NIPSNAP1: variants seen among roughly 807,000 people sequenced by gnomAD.
NIPSNAP1 encodes protein NipSnap homolog 1.
In NIPSNAP1, 25 loss-of-function variants were observed where a neutral mutation model predicts 49.2. The ratio of observed to expected loss-of-function variants is 0.51; its 90% confidence interval spans 0.37 to 0.71. NIPSNAP1 has a LOEUF of 0.71. NIPSNAP1 is among the 30% of genes least tolerant of loss of function. The pLI, the probability that NIPSNAP1 is intolerant of heterozygous loss-of-function variation, is 0.00. For synonymous variants in NIPSNAP1, 143 were observed against 140.7 expected, an observed-to-expected ratio of 1.02 and a Z score of -0.12; for missense variants, 294 against 361.0, an observed-to-expected ratio of 0.81 and a Z score of 1.50.
intron 1 of NIPSNAP1, among the ~76,000 whole-genome samples, chr22:29,573,771 A>G (rs2064428491): frequency 6.7e-6 from 1 of 149,604 alleles, no homozygotes; most frequent in Non-Finnish European, 1.5e-5. Context: ...TCTGTCTCAA[A>G]AAAAAAAAAA....
At chr22:29,558,433 C>T (rs1049469949) in intron 9 of NIPSNAP1, among the ~76,000 whole-genome samples, 3 of 152,032 alleles carry the variant, frequency 2.0e-5, no homozygotes, top group Non-Finnish European at 4.4e-5. Context: ...CATGCCACTG[C>T]ACTCCACCCT....
chr22:29,579,755 C>A (rs1374339528), intron 1 of NIPSNAP1: 3 of 253,766 alleles, frequency 1.2e-5, no homozygotes, highest in African/African-American at 2.2e-5. Context: ...TCCTCAACAA[C>A]CCTATGAGAT....
chr22:29,579,190 A>G (rs1228243372), intron 1 of NIPSNAP1, among the ~76,000 whole-genome samples: 3 of 150,264 alleles, frequency 2.0e-5, no homozygotes, highest in African/African-American at 5.0e-5. Context: ...CTCCTGCCTC[A>G]GCTTCCTAGT....
chr22:29,568,711 A>C (rs190293428), intron 4 of NIPSNAP1, among the ~76,000 whole-genome samples: 5 of 152,126 alleles, frequency 3.3e-5, no homozygotes, highest in Admixed American at 2.6e-4. Context: ...AGAATTGCTT[A>C]AACTGGGGAG....
At chr22:29,579,972 T>C (rs963632682) in intron 1 of NIPSNAP1, 9 of 794,498 alleles carry the variant, frequency 1.1e-5, no homozygotes, top group Non-Finnish European at 1.7e-5. Flanking sequence ...AAAGCCCCAC[T>C]GCTCTGTGCT....
At chr22:29,579,995 G>A (rs2064485316) in intron 1 of NIPSNAP1, 4 of 996,586 alleles carry the variant, frequency 4.0e-6, no homozygotes, top group Non-Finnish European at 5.6e-6. Flanking sequence ...AACATCTCAT[G>A]GCAGGCACTA....
chr22:29,574,261 C>CAAAAAAAAAAAAAA (rs1158442759), intron 1 of NIPSNAP1, among the ~76,000 whole-genome samples: 25 of 36,644 alleles, frequency 6.8e-4, no homozygotes, highest in East Asian at 3.1e-3. Flanking sequence ...TCCATCTTCA[C>CAAAAAAAAAAAAAA]AAAAAAAAAA....
chr22:29,569,317 T>C (rs553423920), intron 3 of NIPSNAP1, 30 bp from the exon 4 acceptor site: 35 of 1,549,936 alleles, frequency 2.3e-5, no homozygotes, highest in Non-Finnish European at 2.9e-5. Flanking sequence ...AGGGGCAGGG[T>C]TCACATAGCC....
At position 29,580,326 on chromosome 22, in the gene NIPSNAP1, C is replaced by A. The variant is rs922529173; in HGVS notation, c.98+659G>T. 4 of 955,590 alleles carry A rather than the reference C, an allele frequency of 4.2e-6. No individual in the cohort carries two copies. In the African/African-American group the frequency reaches 5.3e-5, roughly 13 times the overall value. The allele number at this position is 955,590 out of a possible 1,614,324, so 59.2% of individuals were successfully genotyped here. On this transcript the variant is annotated intron_variant, in intron 1 of 9. Coordinates refer to ENST00000216121, the MANE Select transcript of NIPSNAP1 (RefSeq NM_003634.4). ...CAGGGAGGCCAAGCCCTAGCTCAGC[C>A]CAGAGCAGGGCCCAAACAAAAGCCC...
Position 29,570,552 on chromosome 22 carries a change from A to AG in NIPSNAP1, c.99-21dup. On this transcript the variant is annotated intron_variant, in intron 1 of 9. Transcript: ENST00000216121. ...TAGAAACTGCAGGACAGAGGAGTTGAGGGGGACGCGCGGAGGTTGGGGGAG... is the reference window on the plus strand; with the variant it reads ...TAGAAACTGCAGGACAGAGGAGTTGAGGGGGGACGCGCGGAGGTTGGGGGAG... 3 of 1,610,406 alleles carry AG rather than the reference A, an allele frequency of 1.9e-6. No individual in the cohort carries two copies. The highest frequency in any genetic ancestry group is 2.5e-6 in the Non-Finnish European group (3 of 1,178,318).
chr22:29,560,597 G>T, intron 8 of NIPSNAP1, 137 bp downstream of exon 8: 1 of 775,706 alleles, frequency 1.3e-6, no homozygotes, highest in Non-Finnish European at 2.3e-6. Context: ...TGATCTTTTT[G>T]TGACTTTACA....
At chr22:29,560,254 C>G (rs369998624) in intron 8 of NIPSNAP1, among the ~76,000 whole-genome samples, 2 of 108,550 alleles carry the variant, frequency 1.8e-5, no homozygotes, top group African/African-American at 7.1e-5. Context: ...TTTTTTTTTT[C>G]TTCTTTTTTT....
At position 29,569,817 on chromosome 22, in the gene NIPSNAP1, T is replaced by C. The variant is rs367857752; in HGVS notation, c.272+345A>G. On this transcript the variant is annotated intron_variant, in intron 3 of 9. Transcript: ENST00000216121. ...CAGCCGGACTAACATGGTGAAACCCTGTCTCTACTAAATACAAAAAAATTA... is the reference window on the plus strand; with the variant it reads ...CAGCCGGACTAACATGGTGAAACCCCGTCTCTACTAAATACAAAAAAATTA... 164 of 377,596 alleles carry C rather than the reference T, an allele frequency of 4.3e-4. 1 individual carries two copies. Among genetic ancestry groups the C allele is most frequent in the South Asian group, 3.4e-3 (153 of 45,186 alleles). 23.4% of individuals were successfully genotyped at this position (377,596 alleles called of 1,614,324 possible).
At chr22:29,559,656 G>A (rs1046407139) in intron 8 of NIPSNAP1, among the ~76,000 whole-genome samples, 12 of 152,018 alleles carry the variant, frequency 7.9e-5, no homozygotes, top group Non-Finnish European at 1.5e-4. Flanking sequence ...TCAAGCACGA[G>A]CCTGGGAGCT....
intron 2 of NIPSNAP1, 36 bp downstream of exon 2, chr22:29,570,368 GA>G: frequency 1.9e-6 from 3 of 1,613,844 alleles, no homozygotes; most frequent in Non-Finnish European, 2.5e-6. Context: ...CAGAGCCCCT[GA>G]AAGGGCAGAA....
At chr22:29,580,897 CT>C (rs1601500817) in intron 1 of NIPSNAP1, 87 bp downstream of exon 1, 2 of 1,118,250 alleles carry the variant, frequency 1.8e-6, no homozygotes, top group East Asian at 5.6e-5. Context: ...AGCGAGGAGT[CT>C]CAGCCCCTCC....
In NIPSNAP1 at chr22:29,581,065, G is replaced by C; in HGVS notation, c.18C>G (p.Cys6Trp). ...GCCGCCGCGCCGTCACAGAGATGCTGCACAGCCGCGGAGCCATGTTGGAGC... is the reference window on the plus strand; with the variant it reads ...GCCGCCGCGCCGTCACAGAGATGCTCCACAGCCGCGGAGCCATGTTGGAGC... MAPRLCSISVTARRLL... is the reference protein window; with the variant it reads MAPRLWSISVTARRLL... The change falls in exon 1 of 10, where the codon TGC becomes TGG. Residue 6 changes from cysteine (C) to tryptophan (W), a missense_variant. Coordinates refer to ENST00000216121, the MANE Select transcript of NIPSNAP1 (RefSeq NM_003634.4). 6.5e-7 allele frequency: 1 copy of C among 1,541,650 alleles called. No homozygotes were observed. The highest frequency in any genetic ancestry group is 8.7e-7 in the Non-Finnish European group (1 of 1,146,088).
intron 6 of NIPSNAP1, 69 bp from the exon 7 acceptor site, chr22:29,561,271 A>T: frequency 6.3e-7 from 1 of 1,588,054 alleles, no homozygotes; most frequent in Non-Finnish European, 8.6e-7. Flanking sequence ...CAGCTTGGCA[A>T]GGAAGGGAAA....
chr22:29,564,816 G>A (rs376494827), intron 4 of NIPSNAP1, among the ~76,000 whole-genome samples: 10 of 152,142 alleles, frequency 6.6e-5, no homozygotes, highest in Admixed American at 2.0e-4. Flanking sequence ...TACTCCCAGC[G>A]TACAGCTCAA....
Sources: allele counts gnomAD v4.1 joint callset (sites outside exome capture counted in the v4.1 genomes callset), GRCh38; gene constraint gnomAD v4.1.1; transcripts MANE v1.5; gene names NCBI Gene and HGNC (gene_info 2026-07-23, HGNC 2026-07-21).